The following MAP2K2 variants were observed in gnomAD, a reference collection of about 807,000 sequenced individuals.
MAP2K2 encodes the protein dual specificity mitogen-activated protein kinase kinase 2.
In MAP2K2, 24 loss-of-function variants were observed where a neutral mutation model predicts 43.7. That is an observed-to-expected ratio of 0.55 (90% CI 0.40 to 0.77). MAP2K2 has a LOEUF of 0.77. MAP2K2 is among the 30% of genes least tolerant of loss of function. The probability of loss-of-function intolerance (pLI) is 0.00; values close to 1 mark genes in which losing one functional copy is unlikely to be tolerated. For missense variants in MAP2K2, 470 were observed against 566.8 expected (o/e 0.83, Z 1.73); for synonymous variants, 244 against 239.7 (o/e 1.02, Z -0.17).
chr19:4,093,788 G>T (rs1244841005), intron 10 of MAP2K2, among the ~76,000 whole-genome samples: 1 of 152,204 alleles, frequency 6.6e-6, no homozygotes, highest in Non-Finnish European at 1.5e-5. Context: ...TACAGGCACA[G>T]AAAGTAACGG....
chr19:4,118,868 G>A (rs188653938), intron 1 of MAP2K2, among the ~76,000 whole-genome samples: 13 of 152,180 alleles, frequency 8.5e-5, no homozygotes, highest in African/African-American at 1.2e-4. Flanking sequence ...AGGAAATTTC[G>A]ACAGTAAGCT....
rs1039492995 is a variant in MAP2K2 at position 4,115,610 on chromosome 19, C to G, written c.303+1809G>C. 1.3e-5 allele frequency among the ~76,000 whole-genome samples: 2 copies of G among 152,158 alleles called. No individual in the cohort carries two copies. The highest frequency in any genetic ancestry group is 4.8e-5 in the African/African-American group (2 of 41,428). On this transcript the variant is annotated intron_variant, in intron 2 of 10. Coordinates refer to ENST00000262948, the MANE Select transcript of MAP2K2 (RefSeq NM_030662.4). The surrounding 1 kb of genome is among the most constrained non-coding windows in gnomAD (Gnocchi z 4.1). ...AGTACGGGGACAGAAATAGCAAGTC[C>G]GCGGCTGCACACTTCAGGAGGGAGG...
chr19:4,094,905 C>G (rs1051203897), intron 9 of MAP2K2: 7 of 392,534 alleles, frequency 1.8e-5, no homozygotes, highest in Non-Finnish European at 2.9e-5. Flanking sequence ...AGCTCACACA[C>G]ATGGACCGGC....
intron 2 of MAP2K2, among the ~76,000 whole-genome samples, chr19:4,111,914 T>C (rs112821538): frequency 6.6e-5 from 10 of 152,078 alleles, no homozygotes; most frequent in African/African-American, 9.6e-5. Context: ...GATCGCACCA[T>C]TGCACTCCAG....
At chr19:4,102,765 G>A (rs1568255110) in intron 3 of MAP2K2, 3 of 1,279,224 alleles carry the variant, frequency 2.3e-6, no homozygotes, top group Non-Finnish European at 2.0e-6. Context: ...GCCAGCCCAA[G>A]CCGCGGCCGG....
At chr19:4,116,351 T>C (rs2041220561) in intron 2 of MAP2K2, among the ~76,000 whole-genome samples, 2 of 150,662 alleles carry the variant, frequency 1.3e-5, no homozygotes, top group African/African-American at 4.9e-5. Flanking sequence ...GCCAACACGG[T>C]GAACCCCATC....
At chr19:4,123,707 G>C in intron 1 of MAP2K2, 77 bp downstream of exon 1, 1 of 672,236 alleles carries the variant, frequency 1.5e-6, no homozygotes, top group Admixed American at 3.9e-5. Context: ...GCGAACCCCC[G>C]TCCCCTCGCC....
chr19:4,103,703 C>T lies in MAP2K2; in HGVS notation c.451-1250G>A, dbSNP rs565313048. On this transcript the variant is annotated intron_variant, in intron 3 of 10. Transcript: ENST00000262948. ...TGCCCGGGTTGCCGCTCTCTGGCCA[C>T]TTCTGCCCAGCTAGGCTTGGAGAGA... is the stretch of plus-strand genomic sequence containing the variant. Among the ~76,000 whole-genome samples the T allele has an allele frequency of 5.6e-4, 86 of 152,378 alleles. 1 individual carries two copies. Among genetic ancestry groups the T allele is most frequent in the African/African-American group, 2.0e-3 (84 of 41,598 alleles).
chr19:4,105,118 C>A (rs1011576784), intron 3 of MAP2K2, among the ~76,000 whole-genome samples: 1 of 150,076 alleles, frequency 6.7e-6, no homozygotes, highest in Non-Finnish European at 1.5e-5. Context: ...TACTGCTGAC[C>A]CCAAATCTCA....
chr19:4,104,819 C>T lies in MAP2K2; in HGVS notation c.451-2366G>A, dbSNP rs530398959. 2.0e-5 allele frequency: 3 copies of T among 152,422 alleles called. No homozygotes were observed. In the East Asian group the frequency reaches 5.8e-4, roughly 29 times the overall value. The allele number at this position is 152,422 out of a possible 1,614,324, so 9.4% of individuals were successfully genotyped here. A position where few individuals can be genotyped will look rare whatever the true frequency, so the allele number is the denominator to read the frequency against. On this transcript the variant is annotated intron_variant, in intron 3 of 10. Transcript: ENST00000262948. Reference sequence around the variant, plus strand: ...AGGAGCATCGCTCTCTCTGCAGCCGCCTTTCTCCACTGTGACATCGGGGCC... The same window carrying T: ...AGGAGCATCGCTCTCTCTGCAGCCGTCTTTCTCCACTGTGACATCGGGGCC...
intron 1 of MAP2K2, among the ~76,000 whole-genome samples, chr19:4,121,956 G>T: frequency 8.2e-6 from 1 of 121,680 alleles, no homozygotes. Context: ...CCTTTTCCCT[G>T]GTTGTCTATG....
chr19:4,090,785 C>T, intron 10 of MAP2K2, 77 bp from the exon 11 acceptor site: 1 of 965,824 alleles, frequency 1.0e-6, no homozygotes. Context: ...CTGCCCAGCC[C>T]TGGCAGATGG....
intron 3 of MAP2K2, chr19:4,102,866 C>T (rs576023262): frequency 8.5e-6 from 10 of 1,180,578 alleles, no homozygotes; most frequent in Non-Finnish European, 9.6e-6. Context: ...TGGAGACCAG[C>T]GTCTTGGGCC....
intron 1 of MAP2K2, among the ~76,000 whole-genome samples, chr19:4,118,401 A>T (rs976883050): frequency 6.6e-6 from 1 of 152,138 alleles, no homozygotes; most frequent in Non-Finnish European, 1.5e-5. Flanking sequence ...CCAAGAGTAG[A>T]GGGCAGAAGG....
rs183700486 is a variant in MAP2K2, at chr19:4,090,455, C to T, written c.*143G>A. 525 of 742,296 alleles carry T rather than the reference C, an allele frequency of 7.1e-4. No homozygotes were observed. The highest frequency in any genetic ancestry group is 1.1e-3 in the Admixed American group (53 of 48,774). The allele number at this position is 742,296 out of a possible 1,614,324, so 46.0% of individuals were successfully genotyped here. ...GAGAGGAGACCCCCGTTCCTGCATG[C>T]GCTGTCGCCCCGCCACGGTGCTCTC... On this transcript the variant is annotated 3_prime_UTR_variant, in exon 11 of 11. Transcript: ENST00000262948.
At chr19:4,106,854 G>A (rs1267457757) in intron 3 of MAP2K2, among the ~76,000 whole-genome samples, 2 of 152,182 alleles carry the variant, frequency 1.3e-5, no homozygotes, top group South Asian at 2.1e-4. Context: ...CTTACTGATG[G>A]ACATGTCCAG....
At position 4,102,451 on chromosome 19, in the gene MAP2K2, G is replaced by C. The variant is rs17851657; in HGVS notation, c.453C>G (p.Asp151Glu). Reference sequence around the variant, plus strand: ...TCAGCACCTGGTCCAGGGAGCCGCCGTCCTAGAGGGCACACAAGGAGTGAG... The same window carrying C: ...TCAGCACCTGGTCCAGGGAGCCGCCCTCCTAGAGGGCACACAAGGAGTGAG... The part of the protein sequence containing the change: ...GEISICMEHM[D>E]GGSLDQVLKE... Residue 151 changes from aspartate to glutamate, a missense_variant and splice_region_variant, in exon 4 of 11, where the codon GAC (aspartate) becomes GAG (glutamate). Physicochemically the swap from Asp to Glu is conservative, Grantham distance 45 (BLOSUM62 2). This residue lies in a region of MAP2K2 where 200 missense variants were observed against 297.9 expected (regional missense o/e 0.67). Coordinates refer to ENST00000262948, the MANE Select transcript of MAP2K2 (RefSeq NM_030662.4). 3.1e-6 allele frequency: 5 copies of C among 1,597,604 alleles called. No individual in the cohort carries two copies. The highest frequency in any genetic ancestry group is 4.3e-6 in the Non-Finnish European group (5 of 1,172,814).
chr19:4,096,857 C>T (rs530283014), intron 8 of MAP2K2, among the ~76,000 whole-genome samples: 7 of 152,056 alleles, frequency 4.6e-5, no homozygotes, highest in East Asian at 1.9e-4. Context: ...ATTCTGGGTT[C>T]GTCTTCATAA....
In MAP2K2 at chr19:4,101,399, T is replaced by C; in HGVS notation, c.529-119A>G. 1 of 1,163,816 alleles carries C rather than the reference T, an allele frequency of 8.6e-7. No homozygotes were observed. The highest frequency in any genetic ancestry group is 1.3e-6 in the Non-Finnish European group (1 of 796,126). The allele number at this position is 1,163,816 out of a possible 1,614,324, so 72.1% of individuals were successfully genotyped here. On this transcript the variant is annotated intron_variant, in intron 4 of 10. Coordinates refer to ENST00000262948, the MANE Select transcript of MAP2K2 (RefSeq NM_030662.4). The surrounding 1 kb of genome is among the most constrained non-coding windows in gnomAD (Gnocchi z 6.3). ...AGCGAGGGAGCTGCGGCAGGAACCA[T>C]TTCAGGCTGTGAGGAGCTCGCTGGG...
Sources: gnomAD v4.1 joint callset for allele counts (sites outside exome capture counted in the v4.1 genomes callset) on GRCh38, gnomAD v4.1.1 for gene constraint, gnomAD v4.1.1 regional missense constraint, Gnocchi (gnomAD v3.1) non-coding constraint, MANE v1.5 for transcripts, NCBI Gene and HGNC (gene_info 2026-07-23, HGNC 2026-07-21) for gene names.